The following TRPM3 variants were observed in gnomAD, a reference collection of about 807,000 sequenced individuals.
TRPM3 encodes long transient receptor potential channel 3.
TRPM3 carries 77 observed loss-of-function variants against 181.2 expected under a neutral mutation model. The observed-to-expected ratio is 0.42, with a 90% CI of 0.35 to 0.51. The LOEUF (loss-of-function observed/expected upper bound fraction) is 0.51. Among genes scored for constraint, TRPM3 ranks in the 20% least tolerant of loss-of-function variants. TRPM3 has a pLI of 0.01. For synonymous variants in TRPM3, 745 were observed against 796.4 expected (o/e 0.94, Z 1.09); for missense variants, 1,759 against 2,196.7 (o/e 0.80, Z 3.98).
At chr9:71,437,908 T>C (rs2131646149) in intron 1 of TRPM3, among the ~76,000 whole-genome samples, 1 of 151,710 alleles carries the variant, frequency 6.6e-6, no homozygotes, top group South Asian at 2.1e-4. Context: ...ACATTTACTA[T>C]TTGGCTCTTT....
At chr9:71,364,863 T>TG (rs2092283116) in intron 1 of TRPM3, among the ~76,000 whole-genome samples, 1 of 152,350 alleles carries the variant, frequency 6.6e-6, no homozygotes, top group East Asian at 1.9e-4. Context: ...TCCTTTTTCT[T>TG]TTTAACTGAA....
At chr9:71,403,943 T>C (rs1317185387) in intron 1 of TRPM3, among the ~76,000 whole-genome samples, 1 of 152,198 alleles carries the variant, frequency 6.6e-6, no homozygotes, top group Admixed American at 6.6e-5. Context: ...ATTAAGAATA[T>C]TTCTCTTTCC....
chr9:70,979,371 TG>T (rs1247837010), intron 1 of TRPM3, among the ~76,000 whole-genome samples: 2 of 152,208 alleles, frequency 1.3e-5, no homozygotes, highest in African/African-American at 4.8e-5. Context: ...GTGAATATAA[TG>T]CATTGTTAGA....
intron 24 of TRPM3, 63 bp from the exon 25 acceptor site, chr9:70,549,737 G>GT (rs1483383050): frequency 3.3e-6 from 5 of 1,507,628 alleles, no homozygotes; most frequent in Non-Finnish European, 4.4e-6. Context: ...CATCTGATTT[G>GT]TGGGCCTAGT....
chr9:71,386,235 G>A (rs1347246324), intron 1 of TRPM3, among the ~76,000 whole-genome samples: 2 of 151,938 alleles, frequency 1.3e-5, no homozygotes, highest in Non-Finnish European at 2.9e-5. Flanking sequence ...CAGATCACGA[G>A]GTCAGGAGAT....
chr9:71,169,278 T>G (rs560700695), intron 1 of TRPM3, among the ~76,000 whole-genome samples: 10 of 152,328 alleles, frequency 6.6e-5, no homozygotes, highest in South Asian at 2.1e-4. Context: ...AGGTCAAATG[T>G]GACCCTCAGG....
intron 1 of TRPM3, among the ~76,000 whole-genome samples, chr9:71,326,438 G>A (rs547519020): frequency 1.3e-5 from 2 of 152,280 alleles, no homozygotes; most frequent in South Asian, 4.1e-4. Context: ...ATGTATGTAT[G>A]TATTTAACTC....
chr9:71,320,389 A>G (rs1279346617), intron 1 of TRPM3, among the ~76,000 whole-genome samples: 1 of 152,062 alleles, frequency 6.6e-6, no homozygotes, highest in Non-Finnish European at 1.5e-5. Context: ...GAGTTCTCTG[A>G]GAAGAGTCTC....
chr9:71,410,027 T>G (rs2093514702), intron 1 of TRPM3, among the ~76,000 whole-genome samples: 1 of 151,924 alleles, frequency 6.6e-6, no homozygotes, highest in South Asian at 2.1e-4. Context: ...ATAACAAAAT[T>G]AAGGCAGAAA....
At chr9:70,932,343 T>A (rs2096784029) in intron 1 of TRPM3, among the ~76,000 whole-genome samples, 1 of 152,122 alleles carries the variant, frequency 6.6e-6, no homozygotes, top group Non-Finnish European at 1.5e-5. Flanking sequence ...CACCTGCCTG[T>A]CTGCCTTCCT....
chr9:70,778,185 A>T (rs1457997964), intron 7 of TRPM3, among the ~76,000 whole-genome samples: 1 of 152,126 alleles, frequency 6.6e-6, no homozygotes, highest in African/African-American at 2.4e-5. Flanking sequence ...GGAAAAGGGG[A>T]AGAGGAAAAA....
At chr9:71,110,462 C>T (rs781252809) in intron 1 of TRPM3, among the ~76,000 whole-genome samples, 7 of 152,262 alleles carry the variant, frequency 4.6e-5, no homozygotes, top group Middle Eastern at 6.8e-3. Context: ...GTATTGTCTG[C>T]GGCTGCTTTC....
intron 1 of TRPM3, among the ~76,000 whole-genome samples, chr9:71,351,278 C>G (rs2091606894): frequency 6.6e-6 from 1 of 152,130 alleles, no homozygotes. Context: ...AGAAAATCAG[C>G]CTTAGTTTAG....
At chr9:71,411,642 G>T (rs542415689) in intron 1 of TRPM3, among the ~76,000 whole-genome samples, 7 of 152,258 alleles carry the variant, frequency 4.6e-5, no homozygotes, top group African/African-American at 1.7e-4. Flanking sequence ...TGGATAGGAA[G>T]AATCAATATC....
At chr9:70,995,962 C>G (rs2097537993) in intron 1 of TRPM3, among the ~76,000 whole-genome samples, 1 of 152,090 alleles carries the variant, frequency 6.6e-6, no homozygotes, top group Non-Finnish European at 1.5e-5. Flanking sequence ...TTATGTGTCT[C>G]TTTATACTGT....
intron 8 of TRPM3, among the ~76,000 whole-genome samples, chr9:70,755,108 G>C (rs894137896): frequency 6.6e-6 from 1 of 152,100 alleles, no homozygotes; most frequent in Non-Finnish European, 1.5e-5. Flanking sequence ...CGGATGTGGA[G>C]ATAAATTGTT....
chr9:70,741,234 G>C (rs984981835), intron 8 of TRPM3, among the ~76,000 whole-genome samples: 2 of 151,960 alleles, frequency 1.3e-5, no homozygotes, highest in African/African-American at 4.8e-5. Context: ...TAATTAAAAG[G>C]GAAATGCAAA....
At chr9:71,382,719 T>C (rs2092832457) in intron 1 of TRPM3, among the ~76,000 whole-genome samples, 2 of 151,476 alleles carry the variant, frequency 1.3e-5, no homozygotes, top group South Asian at 2.1e-4. Flanking sequence ...TCATATATAG[T>C]TTTTAATGTC....
intron 1 of TRPM3, among the ~76,000 whole-genome samples, chr9:70,909,101 G>T (rs1185502552): frequency 6.6e-6 from 1 of 152,168 alleles, no homozygotes; most frequent in African/African-American, 2.4e-5. Flanking sequence ...AAGATTAATT[G>T]CAGTGCATTA....
Sources: gnomAD v4.1 joint callset for allele counts (sites outside exome capture counted in the v4.1 genomes callset) on GRCh38, gnomAD v4.1.1 for gene constraint, MANE v1.5 for transcripts, NCBI Gene and HGNC (gene_info 2026-07-23, HGNC 2026-07-21) for gene names.